PVR: variants seen among roughly 807,000 people sequenced by gnomAD.
PVR encodes PVR cell adhesion molecule, also known as poliovirus receptor.
Under a neutral mutation model 43.3 loss-of-function variants are expected in PVR, and 39 were observed. That is an observed-to-expected ratio of 0.90 (90% CI 0.70 to 1.18). PVR has a LOEUF of 1.18. Among genes scored for constraint, PVR ranks in the 50% most tolerant of loss-of-function variants. The pLI is 0.00. For missense variants in PVR, 480 were observed against 549.7 expected, an observed-to-expected ratio of 0.87 and a Z score of 1.27; for synonymous variants, 224 against 233.2, an observed-to-expected ratio of 0.96 and a Z score of 0.36.
At chr19:44,656,391 A>G (rs1390841358) in intron 4 of PVR, among the ~76,000 whole-genome samples, 1 of 152,186 alleles carries the variant, frequency 6.6e-6, no homozygotes, top group Admixed American at 6.5e-5. Context: ...GCCTCAAAGC[A>G]CCGCAATTCA....
chr19:44,665,349 T>A lies in PVR; in HGVS notation c.*3538T>A, dbSNP rs1973686489. Reference sequence around the variant, plus strand: ...TGTCTGTGCTACTGAAATCTAACTTTTTACAAAAAATTACGGGCTGGGCGC... The same window carrying A: ...TGTCTGTGCTACTGAAATCTAACTTATTACAAAAAATTACGGGCTGGGCGC... On this transcript the variant is annotated 3_prime_UTR_variant, in exon 8 of 8. Coordinates refer to ENST00000425690, the MANE Select transcript of PVR (RefSeq NM_006505.5). 6.6e-6 allele frequency: 1 copy of A among 151,956 alleles called. No individual in the cohort carries two copies. Among genetic ancestry groups the A allele is most frequent in the Non-Finnish European group, 1.5e-5 (1 of 67,986 alleles). 9.4% of individuals were successfully genotyped at this position (151,956 alleles called of 1,614,324 possible).
Position 44,664,959 on chromosome 19 carries a change from CAAATG to C in PVR, c.*3151_*3155del, listed in dbSNP as rs1181130983. 6.6e-6 allele frequency: 1 copy of C among 152,054 alleles called. No individual in the cohort carries two copies. The highest frequency in any genetic ancestry group is 6.6e-5 in the Admixed American group (1 of 15,252). 9.4% of individuals were successfully genotyped at this position (152,054 alleles called of 1,614,324 possible). On this transcript the variant is annotated 3_prime_UTR_variant, in exon 8 of 8. Transcript: ENST00000425690. ...TTCTTGTCATTGTGATAGATATTGA[CAAATG>C]AACCCTCACAGAAGTTGTGCTGAGT...
In PVR at chr19:44,647,346, G is replaced by A. The variant is rs758071838; in HGVS notation, c.203G>A (p.Arg68Gln). 2 of 1,613,574 alleles carry A rather than the reference G, an allele frequency of 1.2e-6. No homozygotes were observed. The highest frequency in any genetic ancestry group is 1.3e-5 in the African/African-American group (1 of 75,028). The change falls in exon 2 of 8, where the codon CGG becomes CAG. Residue 68 changes from arginine (R) to glutamine (Q), a missense_variant. Arg to Gln is a conservative substitution (Grantham distance 43, BLOSUM62 1). Transcript: ENST00000425690. ...CATGTGTCACAGCTGACTTGGGCGC[G>A]GCATGGTGAATCTGGCAGCATGGCC... ...VTHVSQLTWA[R>Q]HGESGSMAVF...
chr19:44,653,261 C>T (rs1164071005), intron 3 of PVR, among the ~76,000 whole-genome samples: 2 of 152,158 alleles, frequency 1.3e-5, no homozygotes, highest in Non-Finnish European at 2.9e-5. Flanking sequence ...CTCTTCTAGA[C>T]ATCATTCATA....
At chr19:44,644,331 G>T (rs1250753849) in intron 1 of PVR, among the ~76,000 whole-genome samples, 156 bp downstream of exon 1, 1 of 152,310 alleles carries the variant, frequency 6.6e-6, no homozygotes, top group East Asian at 1.9e-4. Context: ...CACGGTGCGA[G>T]GGTGCGAGGG....
chr19:44,655,423 G>A (rs1485955708), intron 4 of PVR, among the ~76,000 whole-genome samples: 3 of 152,132 alleles, frequency 2.0e-5, no homozygotes, highest in African/African-American at 7.2e-5. Context: ...AATAACTTGT[G>A]TCCACTGTAG....
Position 44,666,141 on chromosome 19 carries a change from CTCT to C in PVR, c.*4335_*4337del, listed in dbSNP as rs1973710650. 1 of 152,128 alleles carries C rather than the reference CTCT, an allele frequency of 6.6e-6. No homozygotes were observed. The highest frequency in any genetic ancestry group is 2.4e-5 in the African/African-American group (1 of 41,412). 9.4% of individuals were successfully genotyped at this position (152,128 alleles called of 1,614,324 possible). A position where few individuals can be genotyped will look rare whatever the true frequency, so the allele number is the denominator to read the frequency against. ...CTACAAGTTCTGCAATAAACCTTGA[CTCT>C]TCTTTTAATAATGCAAAAGGAATCG... On this transcript the variant is annotated 3_prime_UTR_variant, in exon 8 of 8. Coordinates refer to ENST00000425690, the MANE Select transcript of PVR (RefSeq NM_006505.5).
rs1242229395 is a variant in PVR at position 44,663,770 on chromosome 19, G to C, written c.*1959G>C. Among the ~76,000 whole-genome samples the C allele has an allele frequency of 6.6e-6, 1 of 151,734 alleles. No homozygotes were observed. The highest frequency in any genetic ancestry group is 1.5e-5 in the Non-Finnish European group (1 of 67,938). ...TTTTTTTTTCCTCTCCAAAAAAAATGTTTAAGGGACGGTGTCTCCTGTCAC... is the reference window on the plus strand; with the variant it reads ...TTTTTTTTTCCTCTCCAAAAAAAATCTTTAAGGGACGGTGTCTCCTGTCAC... On this transcript the variant is annotated 3_prime_UTR_variant, in exon 8 of 8. Coordinates refer to ENST00000425690, the MANE Select transcript of PVR (RefSeq NM_006505.5).
At position 44,658,722 on chromosome 19, in the gene PVR, C is replaced by A; in HGVS notation, c.992-20C>A. ...CCCCAAGAGTTTCCTTACCTAAATA[C>A]CTGTTTCCTTCTCTTTCAGAGGGAC... On this transcript the variant is annotated intron_variant, in intron 5 of 7. Coordinates refer to ENST00000425690, the MANE Select transcript of PVR (RefSeq NM_006505.5). 6.3e-7 allele frequency: 1 copy of A among 1,580,948 alleles called. No homozygotes were observed. The highest frequency in any genetic ancestry group is 1.1e-5 in the South Asian group (1 of 88,180).
chr19:44,656,964 C>T (rs546420330), intron 4 of PVR, among the ~76,000 whole-genome samples: 10 of 151,020 alleles, frequency 6.6e-5, no homozygotes, highest in African/African-American at 2.0e-4. Flanking sequence ...CAGAGTGAGA[C>T]GCTGTCTCAA....
rs1280548683 is a variant in PVR at position 44,662,111 on chromosome 19, C to T, written c.*300C>T. ...GAGGAGGTGCACAGCACACGTTCCA[C>T]GACAGATGAGGCGACGGCTTCCATC... On this transcript the variant is annotated 3_prime_UTR_variant, in exon 8 of 8. Transcript: ENST00000425690. 8 of 383,538 alleles carry T rather than the reference C, an allele frequency of 2.1e-5. No individual in the cohort carries two copies. Among genetic ancestry groups the T allele is most frequent in the Admixed American group, 7.2e-5 (2 of 27,600 alleles). 23.8% of individuals were successfully genotyped at this position (383,538 alleles called of 1,614,324 possible).
chr19:44,658,609 C>G (rs1438893619), intron 5 of PVR, 133 bp from the exon 6 acceptor site: 16 of 751,982 alleles, frequency 2.1e-5, no homozygotes, highest in Non-Finnish European at 3.1e-5. Flanking sequence ...AGGGTGGGAT[C>G]CATTCCACCT....
rs142732672 is a variant in PVR at position 44,661,965 on chromosome 19, A to G, written c.*154A>G. On this transcript the variant is annotated 3_prime_UTR_variant, in exon 8 of 8. Coordinates refer to ENST00000425690, the MANE Select transcript of PVR (RefSeq NM_006505.5). ...AAACGACGGGGGCAGGTGCAAGTTC[A>G]TAGGTCTCCAAGACCACCCTCCTTT... 4.6e-6 allele frequency: 3 copies of G among 656,140 alleles called. No individual in the cohort carries two copies. The African/African-American group carries it at 5.4e-5, about 12-fold the overall frequency. The allele number at this position is 656,140 out of a possible 1,614,324, so 40.6% of individuals were successfully genotyped here. A position where few individuals can be genotyped will look rare whatever the true frequency, so the allele number is the denominator to read the frequency against.
At chr19:44,661,180 T>C in intron 6 of PVR, 112 bp from the exon 7 acceptor site, 2 of 975,798 alleles carry the variant, frequency 2.0e-6, no homozygotes, top group Non-Finnish European at 1.6e-6. Flanking sequence ...CACCCCCATG[T>C]AATAGCAGAG....
intron 4 of PVR, among the ~76,000 whole-genome samples, chr19:44,654,807 GTTC>G (rs1286892021): frequency 6.6e-5 from 10 of 152,158 alleles, no homozygotes; most frequent in East Asian, 3.8e-4. Context: ...GCCCAGGACA[GTTC>G]TTCTTCTTCC....
intron 1 of PVR, 67 bp downstream of exon 1, chr19:44,644,242 T>G: frequency 3.9e-6 from 5 of 1,294,878 alleles, no homozygotes; most frequent in Non-Finnish European, 5.1e-6. Flanking sequence ...GGCCGGGTAC[T>G]CGCCCCCTTG....
chr19:44,644,318 G>A (rs1973014557), intron 1 of PVR, 143 bp downstream of exon 1: 3 of 623,556 alleles, frequency 4.8e-6, no homozygotes, highest in Admixed American at 4.0e-5. Context: ...GGGTTGGAAG[G>A]AACACGGTGC....
At chr19:44,656,251 C>T (rs1380329623) in intron 4 of PVR, among the ~76,000 whole-genome samples, 1 of 152,192 alleles carries the variant, frequency 6.6e-6, no homozygotes, top group Non-Finnish European at 1.5e-5. Context: ...ACACAGATGT[C>T]ATTTTCCATT....
intron 4 of PVR, among the ~76,000 whole-genome samples, chr19:44,654,645 C>G (rs561085420): frequency 6.6e-6 from 1 of 152,218 alleles, no homozygotes; most frequent in African/African-American, 2.4e-5. Context: ...AATCAGCGCT[C>G]GGCTCCAAAG....
Sources: allele counts gnomAD v4.1 joint callset (sites outside exome capture counted in the v4.1 genomes callset), GRCh38; gene constraint gnomAD v4.1.1; transcripts MANE v1.5; gene names NCBI Gene and HGNC (gene_info 2026-07-23, HGNC 2026-07-21).